Variants in RBM27 observed in about 807,000 individuals in gnomAD.
RBM27 encodes RNA binding motif protein 27.
A neutral mutation model predicts 135.3 loss-of-function variants in RBM27; 22 were observed. That is an observed-to-expected ratio of 0.16 (90% CI 0.12 to 0.23). RBM27 has a LOEUF of 0.23. RBM27 is among the 10% of genes least tolerant of loss of function. The pLI is 1.00. For synonymous variants in RBM27, 481 were observed against 442.4 expected (o/e 1.09, Z -1.10); for missense variants, 1,009 against 1,281.0 (o/e 0.79, Z 3.24).
intron 14 of RBM27, 23 bp from the exon 15 acceptor site, chr5:146,267,624 CTT>C (rs55635431): frequency 4.0e-5 from 44 of 1,097,660 alleles, no homozygotes; most frequent in South Asian, 5.0e-5. Flanking sequence ...TTTGTGTGTG[CTT>C]TTTTTTTTTC....
intron 19 of RBM27, among the ~76,000 whole-genome samples, chr5:146,279,908 A>G (rs1333502499): frequency 6.6e-6 from 1 of 151,782 alleles, no homozygotes; most frequent in African/African-American, 2.4e-5. Context: ...AGGTATCTTT[A>G]TAGAAAAATA....
intron 8 of RBM27, among the ~76,000 whole-genome samples, chr5:146,246,658 TAGC>T (rs1757636413): frequency 6.6e-6 from 1 of 152,180 alleles, no homozygotes; most frequent in Admixed American, 6.5e-5. Flanking sequence ...CACTGTACTT[TAGC>T]CTGGATAACA....
chr5:146,258,432 ATT>A lies in RBM27; in HGVS notation c.1595-9_1595-8del. ...ACTCCTGAAAAACTCAGTAATTTCA[ATT>A]TTTTTTTCCAACAGCTGCTAACATT... On this transcript the variant is annotated splice_polypyrimidine_tract_variant and intron_variant, in intron 10 of 20. Coordinates refer to ENST00000265271, the MANE Select transcript of RBM27 (RefSeq NM_018989.2). 4 of 1,511,128 alleles carry A rather than the reference ATT, an allele frequency of 2.6e-6. No homozygotes were observed. Among genetic ancestry groups the A allele is most frequent in the African/African-American group, 1.4e-5 (1 of 70,504 alleles). 93.6% of individuals were successfully genotyped at this position (1,511,128 alleles called of 1,614,324 possible).
chr5:146,270,239 C>T (rs1279352964), intron 17 of RBM27, among the ~76,000 whole-genome samples: 2 of 152,088 alleles, frequency 1.3e-5, no homozygotes, highest in Non-Finnish European at 2.9e-5. Flanking sequence ...GGTTCCATTA[C>T]ACCACAGTTC....
At chr5:146,219,183 A>T in intron 2 of RBM27, 80 bp downstream of exon 2, 1 of 972,254 alleles carries the variant, frequency 1.0e-6, no homozygotes, top group Non-Finnish European at 1.5e-6. Context: ...TGGAGATATA[A>T]GCTTGATAGG....
rs540671764 is a variant in RBM27 at position 146,257,811 on chromosome 5, T to G, written c.1595-638T>G. 6.6e-5 allele frequency among the ~76,000 whole-genome samples: 9 copies of G among 135,692 alleles called. 1 individual carries two copies. Among genetic ancestry groups the G allele is most frequent in the East Asian group, 6.1e-4 (3 of 4,948 alleles). 89.0% of individuals were successfully genotyped at this position (135,692 alleles called of 152,430 possible). ...TTGTTGGAGCTCTCCATTGTTTTTG[T>G]TTTTTTTTTTTGGTTTCTTTATGAG... On this transcript the variant is annotated intron_variant, in intron 10 of 20. Coordinates refer to ENST00000265271, the MANE Select transcript of RBM27 (RefSeq NM_018989.2).
chr5:146,232,786 C>G (rs1756993644), intron 6 of RBM27, among the ~76,000 whole-genome samples: 1 of 152,166 alleles, frequency 6.6e-6, no homozygotes, highest in Non-Finnish European at 1.5e-5. Context: ...TCAGGATGGT[C>G]TCAGTTTCTT....
intron 1 of RBM27, among the ~76,000 whole-genome samples, chr5:146,204,605 A>G (rs1367341737): frequency 1.3e-5 from 2 of 152,204 alleles, no homozygotes; most frequent in East Asian, 3.8e-4. Context: ...ATGCAGCATT[A>G]ATTGGTGGAG....
At chr5:146,281,188 T>C (rs1248736968) in intron 19 of RBM27, among the ~76,000 whole-genome samples, 1 of 152,176 alleles carries the variant, frequency 6.6e-6, no homozygotes, top group Non-Finnish European at 1.5e-5. Flanking sequence ...TTTTTTGTTT[T>C]CTTGGTGATT....
At chr5:146,214,795 G>A (rs1053060652) in intron 1 of RBM27, among the ~76,000 whole-genome samples, 1 of 152,160 alleles carries the variant, frequency 6.6e-6, no homozygotes, top group African/African-American at 2.4e-5. Context: ...TCCTTTGGCT[G>A]TAAACATGCT....
chr5:146,216,737 A>C (rs1004821103), intron 1 of RBM27, among the ~76,000 whole-genome samples: 1 of 152,124 alleles, frequency 6.6e-6, no homozygotes, highest in Non-Finnish European at 1.5e-5. Context: ...GGCTCACTGC[A>C]GCCTTGACCT....
At chr5:146,243,871 T>G (rs1236209325) in intron 8 of RBM27, among the ~76,000 whole-genome samples, 1 of 152,066 alleles carries the variant, frequency 6.6e-6, no homozygotes, top group Non-Finnish European at 1.5e-5. Flanking sequence ...GAAATCTGGA[T>G]TTTTCAAGGT....
At chr5:146,238,032 A>T (rs200795295) in intron 8 of RBM27, among the ~76,000 whole-genome samples, 37 of 152,090 alleles carry the variant, frequency 2.4e-4, no homozygotes, top group Non-Finnish European at 2.9e-4. Context: ...GAAGCTTTTT[A>T]AAAAAATTGT....
chr5:146,228,987 A>G lies in RBM27; in HGVS notation c.345A>G (p.Lys115=). ...EPAEEERDGR[K]KKYPSPQKTR... ...CAGAGGAAGAACGAGATGGCAGAAA[A>G]AAGAAATATCCTAGTCCCCAGAAGA... The change falls in exon 4 of 21, where the codon AAA becomes AAG. Residue 115 remains lysine (K), a synonymous_variant. Transcript: ENST00000265271. The G allele has an allele frequency of 6.2e-7, 1 of 1,613,848 alleles. No homozygotes were observed. Among genetic ancestry groups the G allele is most frequent in the South Asian group, 1.1e-5 (1 of 91,064 alleles).
At chr5:146,237,495 A>T in intron 8 of RBM27, 63 bp downstream of exon 8, 1 of 1,506,416 alleles carries the variant, frequency 6.6e-7, no homozygotes, top group African/African-American at 1.4e-5. Flanking sequence ...GTCTCATATC[A>T]GTATAACCCT....
intron 19 of RBM27, among the ~76,000 whole-genome samples, chr5:146,279,030 A>C (rs1033633324): frequency 2.0e-5 from 3 of 151,996 alleles, no homozygotes; most frequent in Non-Finnish European, 1.5e-5. Context: ...CTTTTTTCCC[A>C]ATATTTTATC....
rs759970159 is a variant in RBM27 at position 146,233,750 on chromosome 5, A to G, written c.1144+7A>G. ...GTTGTGCTTCCCATACCAAGTAAGT[A>G]TATATTTGTTGAATTTTTCTCTAGC... is the stretch of plus-strand genomic sequence containing the variant. On this transcript the variant is annotated splice_region_variant and intron_variant, in intron 7 of 20. Coordinates refer to ENST00000265271, the MANE Select transcript of RBM27 (RefSeq NM_018989.2). 1.2e-5 allele frequency: 16 copies of G among 1,374,718 alleles called. No individual in the cohort carries two copies. Among genetic ancestry groups the G allele is most frequent in the Non-Finnish European group, 1.5e-5 (16 of 1,057,462 alleles). 85.2% of individuals were successfully genotyped at this position (1,374,718 alleles called of 1,614,324 possible).
In RBM27 at chr5:146,258,528, A is replaced by G; in HGVS notation, c.1674A>G (p.Pro558=). Residue 558 remains proline, a synonymous_variant, in exon 11 of 21, where the codon CCA becomes CCG. Coordinates refer to ENST00000265271, the MANE Select transcript of RBM27 (RefSeq NM_018989.2). ...NSNITRVVLE[P]DSRKRAMSGL... is the part of the protein sequence containing the mutation. ...ACATAACCAGAGTAGTTCTTGAACC[A>G]GATAGTCGAAAAAGAGCTATGAGTG... The G allele has an allele frequency of 6.2e-7, 1 of 1,602,420 alleles. No individual in the cohort carries two copies. Among genetic ancestry groups the G allele is most frequent in the Non-Finnish European group, 8.5e-7 (1 of 1,174,206 alleles).
intron 12 of RBM27, 40 bp downstream of exon 12, chr5:146,260,938 A>C: frequency 6.4e-7 from 1 of 1,568,844 alleles, no homozygotes; most frequent in Non-Finnish European, 8.7e-7. Flanking sequence ...CAGGCATTTT[A>C]TGGGTCTTGG....
Sources: gnomAD v4.1 joint callset for allele counts (sites outside exome capture counted in the v4.1 genomes callset) on GRCh38, gnomAD v4.1.1 for gene constraint, MANE v1.5 for transcripts, NCBI Gene and HGNC (gene_info 2026-07-23, HGNC 2026-07-21) for gene names.